Variants in DLGAP1 observed in about 807,000 individuals in gnomAD.
DLGAP1 encodes the protein DLG associated protein 1, also known as disks large-associated protein 1.
In DLGAP1, 11 loss-of-function variants were observed where a neutral mutation model predicts 90.8. The observed-to-expected ratio is 0.12, with a 90% CI of 0.08 to 0.20. The LOEUF (loss-of-function observed/expected upper bound fraction) is 0.20. Among genes scored for constraint, DLGAP1 ranks in the 10% least tolerant of loss-of-function variants. DLGAP1 has a pLI of 1.00. For missense variants in DLGAP1, 1,050 were observed against 1,333.8 expected (o/e 0.79, Z 3.31); for synonymous variants, 558 against 540.7 (o/e 1.03, Z -0.44).
chr18:3,938,726 C>G (rs532090341), intron 3 of DLGAP1, among the ~76,000 whole-genome samples: 1 of 152,270 alleles, frequency 6.6e-6, no homozygotes, highest in South Asian at 2.1e-4. Context: ...AGGAAGTTCA[C>G]AAGACAGCAG....
At position 3,775,090 on chromosome 18, in the gene DLGAP1, C is replaced by T. The variant is rs1370271298; in HGVS notation, c.1173-32578G>A. Among the ~76,000 whole-genome samples the T allele has an allele frequency of 1.3e-5, 2 of 152,202 alleles. No homozygotes were observed. Among genetic ancestry groups the T allele is most frequent in the African/African-American group, 2.4e-5 (1 of 41,446 alleles). On this transcript the variant is annotated intron_variant, in intron 5 of 12. Transcript: ENST00000315677. This position sits in a 1 kb window ranked among gnomAD's most constrained non-coding sequence, Gnocchi z 4.9. The stretch of plus-strand genomic sequence containing the variant: ...AGGCCCCACAGGCTTTGTCCCAGGT[C>T]ACTGTGTGTTCTTTAAGCCCATTGA...
chr18:4,253,575 A>G (rs2078826361), intron 1 of DLGAP1, among the ~76,000 whole-genome samples: 1 of 151,982 alleles, frequency 6.6e-6, no homozygotes. Context: ...CATGACAGCT[A>G]ATTTTTATAT....
At chr18:3,864,667 C>T (rs949595490) in intron 4 of DLGAP1, among the ~76,000 whole-genome samples, 2 of 152,086 alleles carry the variant, frequency 1.3e-5, no homozygotes, top group Admixed American at 1.3e-4. Context: ...GAGAATGGCA[C>T]CTTTATTCTG....
At chr18:4,132,900 T>C (rs922183624) in intron 2 of DLGAP1, among the ~76,000 whole-genome samples, 5 of 152,182 alleles carry the variant, frequency 3.3e-5, no homozygotes, top group African/African-American at 1.2e-4. Flanking sequence ...GGTAATTAAA[T>C]GTACTTGTTA....
At chr18:4,063,303 C>A (rs2075325401) in intron 2 of DLGAP1, among the ~76,000 whole-genome samples, 2 of 152,022 alleles carry the variant, frequency 1.3e-5, no homozygotes, top group African/African-American at 4.8e-5. Context: ...GTTTCCATTG[C>A]TATCCAGGAA....
intron 5 of DLGAP1, among the ~76,000 whole-genome samples, chr18:3,812,779 A>G (rs2066906913): frequency 6.6e-6 from 1 of 152,176 alleles, no homozygotes; most frequent in African/African-American, 2.4e-5. Flanking sequence ...TTCCCATCGC[A>G]CAATAGTCAG....
At chr18:3,503,005 G>A (rs1263296230) in intron 11 of DLGAP1, among the ~76,000 whole-genome samples, 1 of 151,850 alleles carries the variant, frequency 6.6e-6, no homozygotes, top group East Asian at 1.9e-4. Flanking sequence ...AAAAAATACA[G>A]TGTATTATTA....
intron 6 of DLGAP1, among the ~76,000 whole-genome samples, chr18:3,741,097 CCACCAT>C (rs1568048367): frequency 1.8e-4 from 23 of 130,778 alleles, no homozygotes; most frequent in South Asian, 2.8e-4. Flanking sequence ...ATCACCACCA[CCACCAT>C]CACCATCACC....
chr18:3,813,929 C>T (rs2066964275), intron 5 of DLGAP1, 130 bp downstream of exon 5: 8 of 858,506 alleles, frequency 9.3e-6, no homozygotes, highest in Non-Finnish European at 1.5e-5. Flanking sequence ...TCTAAAGTCA[C>T]AATCAATGTA....
chr18:4,247,425 T>C (rs1159066809), intron 1 of DLGAP1, among the ~76,000 whole-genome samples: 4 of 152,192 alleles, frequency 2.6e-5, no homozygotes, highest in Admixed American at 2.6e-4. Context: ...GTGGTTTTCA[T>C]AGCTACAATA....
At chr18:3,669,668 C>A (rs1392406289) in intron 7 of DLGAP1, among the ~76,000 whole-genome samples, 1 of 152,192 alleles carries the variant, frequency 6.6e-6, no homozygotes, top group Non-Finnish European at 1.5e-5. Context: ...TGGCCCAACT[C>A]TAGGGGAAGG....
intron 1 of DLGAP1, among the ~76,000 whole-genome samples, chr18:4,176,761 CTGAGA>C (rs1276656827): frequency 2.0e-5 from 3 of 152,148 alleles, no homozygotes; most frequent in Non-Finnish European, 4.4e-5. Context: ...CTCTATTGTT[CTGAGA>C]TAAGTTGGCC....
intron 3 of DLGAP1, among the ~76,000 whole-genome samples, chr18:3,881,338 C>T (rs2071162984): frequency 6.6e-6 from 1 of 152,070 alleles, no homozygotes; most frequent in Admixed American, 6.5e-5. Context: ...CTAGTCTCTA[C>T]ATGTTAATTG....
At position 3,856,790 on chromosome 18, in the gene DLGAP1, GGCAGATCTT is replaced by G. The variant is rs1309329591; in HGVS notation, c.957+22313_957+22321del. 2.0e-5 allele frequency among the ~76,000 whole-genome samples: 3 copies of G among 152,016 alleles called. No homozygotes were observed. In the South Asian group the frequency reaches 6.2e-4, roughly 32 times the overall value. ...GCAGGATAATGGCGTGAACCTGGGA[GGCAGATCTT>G]GCAGTGAGCCGAGATTCCGCCACCG... On this transcript the variant is annotated intron_variant, in intron 4 of 12. Transcript: ENST00000315677.
chr18:4,449,513 C>T (rs2083763814), intron 1 of DLGAP1, among the ~76,000 whole-genome samples: 1 of 152,162 alleles, frequency 6.6e-6, no homozygotes, highest in South Asian at 2.1e-4. Flanking sequence ...AGTTATGGCC[C>T]TTATGCACTA....
chr18:3,826,817 A>G (rs2148521752), intron 4 of DLGAP1, among the ~76,000 whole-genome samples: 1 of 152,302 alleles, frequency 6.6e-6, no homozygotes, highest in Non-Finnish European at 1.5e-5. Context: ...GGGCAACAAG[A>G]GTAGAATCAG....
chr18:3,697,436 T>C (rs2061133242), intron 7 of DLGAP1, among the ~76,000 whole-genome samples: 1 of 152,192 alleles, frequency 6.6e-6, no homozygotes, highest in Admixed American at 6.6e-5. Flanking sequence ...TCTTCCTTAA[T>C]TTCATTATTT....
intron 7 of DLGAP1, among the ~76,000 whole-genome samples, chr18:3,612,584 G>A (rs1297930126): frequency 2.0e-5 from 3 of 152,164 alleles, no homozygotes; most frequent in Non-Finnish European, 4.4e-5. Context: ...GGCGGGTGGT[G>A]TACAATGAAA....
At chr18:3,659,440 C>T (rs2059608602) in intron 7 of DLGAP1, among the ~76,000 whole-genome samples, 1 of 133,420 alleles carries the variant, frequency 7.5e-6, no homozygotes, top group Non-Finnish European at 1.6e-5. Context: ...CACACGGATG[C>T]TACCACCCCC....
Sources: gnomAD v4.1 joint callset for allele counts (sites outside exome capture counted in the v4.1 genomes callset) on GRCh38, gnomAD v4.1.1 for gene constraint, Gnocchi (gnomAD v3.1) non-coding constraint, MANE v1.5 for transcripts, NCBI Gene and HGNC (gene_info 2026-07-23, HGNC 2026-07-21) for gene names.